The following PRKCA variants were observed in gnomAD, a reference collection of about 807,000 sequenced individuals.
The protein encoded by PRKCA is protein kinase C alpha.
PRKCA carries 27 observed loss-of-function variants against 87.0 expected under a neutral mutation model. The ratio of observed to expected loss-of-function variants is 0.31; its 90% confidence interval spans 0.23 to 0.43. The LOEUF (loss-of-function observed/expected upper bound fraction) is 0.43. Ranked by LOEUF, PRKCA falls within the 20% of genes least tolerant of loss-of-function variation. The pLI, the probability that PRKCA is intolerant of heterozygous loss-of-function variation, is 1.00. For missense variants in PRKCA, 518 were observed against 852.3 expected, an observed-to-expected ratio of 0.61 and a Z score of 4.88; for synonymous variants, 329 against 311.1, an observed-to-expected ratio of 1.06 and a Z score of -0.61.
chr17:66,798,254 G>A (rs916225360), intron 16 of PRKCA, among the ~76,000 whole-genome samples: 4 of 152,244 alleles, frequency 2.6e-5, no homozygotes, highest in Admixed American at 1.3e-4. Flanking sequence ...GATGAGTAAG[G>A]TTAGATCATT....
chr17:66,382,304 C>T (rs918347342), intron 2 of PRKCA, among the ~76,000 whole-genome samples: 1 of 152,010 alleles, frequency 6.6e-6, no homozygotes, highest in African/African-American at 2.4e-5. Context: ...TTGGCTTCAG[C>T]TATTATTTAT....
chr17:66,582,065 G>A (rs1023811511), intron 3 of PRKCA, among the ~76,000 whole-genome samples: 2 of 152,182 alleles, frequency 1.3e-5, no homozygotes, highest in Non-Finnish European at 2.9e-5. Context: ...TGTCCAGGCT[G>A]TGGCAGTTGT....
At chr17:66,422,611 A>G (rs962950704) in intron 2 of PRKCA, among the ~76,000 whole-genome samples, 2 of 152,190 alleles carry the variant, frequency 1.3e-5, no homozygotes, top group African/African-American at 4.8e-5. Flanking sequence ...AGAGAATCTC[A>G]CACTGAAGCC....
intron 2 of PRKCA, among the ~76,000 whole-genome samples, chr17:66,341,738 A>G (rs1361429970): frequency 2.0e-5 from 3 of 152,194 alleles, no homozygotes; most frequent in Admixed American, 2.0e-4. Flanking sequence ...AGAATTTGAG[A>G]TTGAACTTTT....
rs187739493 is a variant in PRKCA, at chr17:66,595,388, A to C, written c.289-45967A>C. Among the ~76,000 whole-genome samples, 10 of 151,938 alleles carry C rather than the reference A, an allele frequency of 6.6e-5. No individual in the cohort carries two copies. The East Asian group carries it at 1.9e-3, about 29-fold the overall frequency. ...GTCGTTGAATTTAGGGCCCATCCTA[A>C]ATTCTAGATCACCTTATCTCAAGAT... On this transcript the variant is annotated intron_variant, in intron 3 of 16. Transcript: ENST00000413366.
Position 66,748,194 on chromosome 17 carries a change from C to G in PRKCA, c.1524+5434C>G, listed in dbSNP as rs1394032397. Among the ~76,000 whole-genome samples the G allele has an allele frequency of 1.2e-4, 18 of 152,246 alleles. 1 individual carries two copies. On this transcript the variant is annotated intron_variant, in intron 13 of 16. Transcript: ENST00000413366. ...CTGGGGGCTTCATGGGTCCAGAGAGCTGAAGAGCCATTCTGGGGTCACAGC... is the reference window on the plus strand; with the variant it reads ...CTGGGGGCTTCATGGGTCCAGAGAGGTGAAGAGCCATTCTGGGGTCACAGC...
Position 66,809,235 on chromosome 17 carries a change from G to T in PRKCA, c.*5198G>T, listed in dbSNP as rs534112480. On this transcript the variant is annotated 3_prime_UTR_variant, in exon 17 of 17. Coordinates refer to ENST00000413366, the MANE Select transcript of PRKCA (RefSeq NM_002737.3). ...GGTCAACCACAATTGTGTTAATTCC[G>T]TAGTGTCAGGGATTCTTCGGGAAGG... 4 of 152,384 alleles carry T rather than the reference G, an allele frequency of 2.6e-5. No homozygotes were observed. The highest frequency in any genetic ancestry group is 9.7e-5 in the African/African-American group (4 of 41,396). 9.4% of individuals were successfully genotyped at this position (152,384 alleles called of 1,614,324 possible).
chr17:66,619,468 G>A (rs1440387193), intron 3 of PRKCA, among the ~76,000 whole-genome samples: 1 of 152,226 alleles, frequency 6.6e-6, no homozygotes, highest in Non-Finnish European at 1.5e-5. Flanking sequence ...CTGGAAGGAA[G>A]TGACAGTTGG....
intron 3 of PRKCA, among the ~76,000 whole-genome samples, chr17:66,549,431 A>G (rs540666565): frequency 1.6e-4 from 25 of 152,288 alleles, no homozygotes; most frequent in African/African-American, 5.8e-4. Flanking sequence ...CTGCCATGCA[A>G]TAATAAGAAT....
intron 8 of PRKCA, among the ~76,000 whole-genome samples, chr17:66,711,552 G>C (rs938665101): frequency 6.6e-6 from 1 of 152,112 alleles, no homozygotes; most frequent in African/African-American, 2.4e-5. Context: ...TTCTGATAGC[G>C]CCACTCTCTT....
At chr17:66,562,185 T>A (rs1968729198) in intron 3 of PRKCA, among the ~76,000 whole-genome samples, 1 of 126,696 alleles carries the variant, frequency 7.9e-6, no homozygotes, top group Non-Finnish European at 1.7e-5. Flanking sequence ...TATAATTAAG[T>A]TATATATAAA....
intron 5 of PRKCA, among the ~76,000 whole-genome samples, chr17:66,682,030 A>G (rs936068899): frequency 2.6e-5 from 4 of 152,090 alleles, no homozygotes; most frequent in Admixed American, 6.5e-5. Flanking sequence ...AGATTCTCCA[A>G]TCCGGCTAGG....
intron 2 of PRKCA, among the ~76,000 whole-genome samples, chr17:66,352,109 A>T (rs567698436): frequency 1.2e-3 from 178 of 152,242 alleles, no homozygotes; most frequent in Non-Finnish European, 1.9e-3. Context: ...AACTCTGCTC[A>T]TGGGAATGGG....
chr17:66,404,692 A>G (rs1338829204), intron 2 of PRKCA, among the ~76,000 whole-genome samples: 1 of 140,372 alleles, frequency 7.1e-6, no homozygotes, highest in Non-Finnish European at 1.5e-5. Flanking sequence ...TTGGCTCCTC[A>G]GTCTCTGTTC....
At chr17:66,593,912 C>T (rs190035876) in intron 3 of PRKCA, among the ~76,000 whole-genome samples, 5 of 152,134 alleles carry the variant, frequency 3.3e-5, no homozygotes, top group Admixed American at 6.5e-5. Context: ...GGAAAAACCC[C>T]GTCTCTACTA....
chr17:66,695,233 T>C (rs1972885768), intron 8 of PRKCA, among the ~76,000 whole-genome samples: 1 of 152,136 alleles, frequency 6.6e-6, no homozygotes, highest in Non-Finnish European at 1.5e-5. Flanking sequence ...GAAGGGCAAA[T>C]AACCCCAGCC....
At chr17:66,719,304 A>G (rs753540035) in intron 8 of PRKCA, among the ~76,000 whole-genome samples, 78 of 152,340 alleles carry the variant, frequency 5.1e-4, no homozygotes, top group South Asian at 6.2e-4. Context: ...AGAAGTTCAC[A>G]ATAAGCAAAG....
At chr17:66,791,048 G>A (rs1275409306) in intron 16 of PRKCA, among the ~76,000 whole-genome samples, 1 of 151,016 alleles carries the variant, frequency 6.6e-6, no homozygotes, top group Non-Finnish European at 1.5e-5. Flanking sequence ...TGCACAATGT[G>A]CAGGTTTGTT....
chr17:66,405,758 GAGA>G (rs1490928364), intron 2 of PRKCA, among the ~76,000 whole-genome samples: 1 of 152,064 alleles, frequency 6.6e-6, no homozygotes, highest in Non-Finnish European at 1.5e-5. Flanking sequence ...TGCCTGAATG[GAGA>G]AGATGGAAGG....
Sources: allele counts gnomAD v4.1 joint callset (sites outside exome capture counted in the v4.1 genomes callset), GRCh38; gene constraint gnomAD v4.1.1; transcripts MANE v1.5; gene names NCBI Gene and HGNC (gene_info 2026-07-23, HGNC 2026-07-21).